MAGI2: variants seen among roughly 807,000 people sequenced by gnomAD.
The protein encoded by MAGI2 is membrane associated guanylate kinase, WW and PDZ domain containing 2, also known as membrane-associated guanylate kinase, WW and PDZ domain-containing protein 2.
In MAGI2, 35 loss-of-function variants were observed where a neutral mutation model predicts 133.3. The observed-to-expected ratio is 0.26, with a 90% CI of 0.20 to 0.35. The LOEUF (loss-of-function observed/expected upper bound fraction) is 0.35, where lower values mean the gene tolerates loss of function less well. MAGI2 is among the 10% of genes least tolerant of loss of function. MAGI2 has a pLI of 1.00. For synonymous variants in MAGI2, 729 were observed against 710.6 expected, an observed-to-expected ratio of 1.03 and a Z score of -0.41; for missense variants, 1,636 against 1,863.4, an observed-to-expected ratio of 0.88 and a Z score of 2.25.
intron 2 of MAGI2, among the ~76,000 whole-genome samples, chr7:78,732,046 C>T (rs1011327801): frequency 4.0e-5 from 6 of 151,268 alleles, no homozygotes; most frequent in Non-Finnish European, 5.9e-5. Context: ...ATAAAACAGG[C>T]AAAAGAAAGA....
chr7:78,353,601 G>A (rs1187579041), intron 7 of MAGI2, among the ~76,000 whole-genome samples: 1 of 152,192 alleles, frequency 6.6e-6, no homozygotes, highest in Non-Finnish European at 1.5e-5. Flanking sequence ...AATACTCAGA[G>A]GGAGAAAAGA....
rs1043289602 is a variant in MAGI2, at chr7:79,116,336, T to C, written c.302-109130A>G. Among the ~76,000 whole-genome samples, 3 of 152,300 alleles carry C rather than the reference T, an allele frequency of 2.0e-5. No individual in the cohort carries two copies. The South Asian group carries it at 6.2e-4, about 32-fold the overall frequency. On this transcript the variant is annotated intron_variant, in intron 1 of 21. Coordinates refer to ENST00000354212, the MANE Select transcript of MAGI2 (RefSeq NM_012301.4). ...ACCCTCTAGCACATGTTGCTTATACTTGTTATGGTGAAGCCTGTGCATCAG... is the reference window on the plus strand; with the variant it reads ...ACCCTCTAGCACATGTTGCTTATACCTGTTATGGTGAAGCCTGTGCATCAG...
chr7:78,178,478 C>T (rs943097579), intron 13 of MAGI2, among the ~76,000 whole-genome samples: 7 of 152,012 alleles, frequency 4.6e-5, no homozygotes, highest in African/African-American at 1.5e-4. Flanking sequence ...ACAATTATTG[C>T]GCAAGTAAGA....
chr7:78,054,714 C>T (rs1812383705), intron 21 of MAGI2, among the ~76,000 whole-genome samples: 1 of 151,546 alleles, frequency 6.6e-6, no homozygotes, highest in African/African-American at 2.4e-5. Context: ...GGCTGGAGTG[C>T]AGTGGTGCAA....
At chr7:78,754,471 A>G (rs575475745) in intron 2 of MAGI2, among the ~76,000 whole-genome samples, 23 of 152,306 alleles carry the variant, frequency 1.5e-4, no homozygotes, top group African/African-American at 5.3e-4. Flanking sequence ...TACGCTTTAA[A>G]TGTCCATTAT....
At position 79,186,791 on chromosome 7, in the gene MAGI2, G is replaced by GTATATA. The variant is rs71095385; in HGVS notation, c.302-179591_302-179586dup. Among the ~76,000 whole-genome samples, 4 of 124,308 alleles carry GTATATA rather than the reference G, an allele frequency of 3.2e-5. No homozygotes were observed. In the East Asian group the frequency reaches 7.0e-4, roughly 22 times the overall value. 81.6% of individuals were successfully genotyped at this position (124,308 alleles called of 152,430 possible). A position where few individuals can be genotyped will look rare whatever the true frequency, so the allele number is the denominator to read the frequency against. On this transcript the variant is annotated intron_variant, in intron 1 of 21. Transcript: ENST00000354212. ...TATATATATATACACACACACAAAA[G>GTATATA]TATATATATATATAAACATAGGATA...
chr7:79,003,054 G>A (rs540429287), intron 2 of MAGI2, among the ~76,000 whole-genome samples: 261 of 152,106 alleles, frequency 1.7e-3, no homozygotes, highest in African/African-American at 5.9e-3. Flanking sequence ...AGGGTCAGTG[G>A]AGACCTAGAC....
chr7:78,802,800 G>A (rs1280278266), intron 2 of MAGI2, among the ~76,000 whole-genome samples: 1 of 151,958 alleles, frequency 6.6e-6, no homozygotes, highest in East Asian at 1.9e-4. Flanking sequence ...TGTAACAAAT[G>A]TGTTGTGGGA....
At chr7:79,427,210 T>C (rs1847440048) in intron 1 of MAGI2, among the ~76,000 whole-genome samples, 1 of 152,096 alleles carries the variant, frequency 6.6e-6, no homozygotes, top group African/African-American at 2.4e-5. Flanking sequence ...TAAGAAGATA[T>C]AGAAGCTTGA....
chr7:79,245,549 T>C (rs112925460), intron 1 of MAGI2, among the ~76,000 whole-genome samples: 5,334 of 152,238 alleles, frequency 0.035, 143 homozygotes, highest in African/African-American at 0.066. Context: ...CCTCTGCATG[T>C]GGAAAGGGAT....
In MAGI2 at chr7:78,168,058, G is replaced by A. The variant is rs148580718; in HGVS notation, c.2454C>T (p.Arg818=). Residue 818 remains arginine (R), a synonymous_variant, in exon 15 of 22, where the codon CGC becomes CGT. Coordinates refer to ENST00000354212, the MANE Select transcript of MAGI2 (RefSeq NM_012301.4). ...ACACAAGCTCATCTCCTGGGTGAAG[G>A]CGGCCATCTCTGTCGGCTGAGCCCA... is the stretch of plus-strand genomic sequence containing the variant. ...IAMGSADRDG[R]LHPGDELVYV... 1.1e-3 allele frequency: 1,764 copies of A among 1,614,108 alleles called. 2 individuals are homozygous for A. The highest frequency in any genetic ancestry group is 1.4e-3 in the Non-Finnish European group (1,622 of 1,180,018).
chr7:78,856,222 C>G (rs375219926), intron 2 of MAGI2, among the ~76,000 whole-genome samples: 13 of 152,164 alleles, frequency 8.5e-5, no homozygotes, highest in African/African-American at 3.1e-4. Flanking sequence ...TCTGATGGTA[C>G]TTTCTTTTGC....
intron 18 of MAGI2, among the ~76,000 whole-genome samples, chr7:78,128,738 G>A (rs1486298907): frequency 1.3e-5 from 2 of 152,054 alleles, no homozygotes; most frequent in African/African-American, 4.8e-5. Context: ...CCTTAGAAGG[G>A]GGTTAGTAAT....
At chr7:79,283,918 T>G (rs1456213652) in intron 1 of MAGI2, among the ~76,000 whole-genome samples, 1 of 152,132 alleles carries the variant, frequency 6.6e-6, no homozygotes, top group Non-Finnish European at 1.5e-5. Flanking sequence ...TTACTGTATC[T>G]TTGTATCTTT....
At chr7:78,156,549 T>C (rs1824403453) in intron 16 of MAGI2, among the ~76,000 whole-genome samples, 1 of 152,040 alleles carries the variant, frequency 6.6e-6, no homozygotes, top group Non-Finnish European at 1.5e-5. Context: ...CTTCCACATA[T>C]TCATCGAACT....
chr7:78,323,656 G>A (rs989188058), intron 9 of MAGI2, among the ~76,000 whole-genome samples: 6 of 151,776 alleles, frequency 4.0e-5, no homozygotes, highest in African/African-American at 9.7e-5. Context: ...TGTTCCCCCC[G>A]GCCCCATAGA....
intron 1 of MAGI2, among the ~76,000 whole-genome samples, chr7:79,009,541 T>C (rs1807833837): frequency 1.3e-5 from 2 of 152,184 alleles, no homozygotes; most frequent in Admixed American, 1.3e-4. Context: ...TCCAGTATTC[T>C]TACAGCAAAT....
intron 2 of MAGI2, among the ~76,000 whole-genome samples, chr7:78,721,439 C>T (rs188042272): frequency 2.6e-5 from 4 of 151,924 alleles, no homozygotes; most frequent in Admixed American, 2.6e-4. Flanking sequence ...TTCAAGTTAC[C>T]AAGGGCATAT....
At chr7:78,734,559 A>G (rs1821669284) in intron 2 of MAGI2, among the ~76,000 whole-genome samples, 1 of 152,192 alleles carries the variant, frequency 6.6e-6, no homozygotes, top group Non-Finnish European at 1.5e-5. Flanking sequence ...TTCCTGTAAG[A>G]GCAAAGTACA....
Sources: allele counts gnomAD v4.1 joint callset (sites outside exome capture counted in the v4.1 genomes callset), GRCh38; gene constraint gnomAD v4.1.1; transcripts MANE v1.5; gene names NCBI Gene and HGNC (gene_info 2026-07-23, HGNC 2026-07-21).